ADGRL3: variants seen among roughly 807,000 people sequenced by gnomAD.
The protein encoded by ADGRL3 is calcium-independent alpha-latrotoxin receptor 3.
ADGRL3 carries 62 observed loss-of-function variants against 153.5 expected under a neutral mutation model. The ratio of observed to expected loss-of-function variants is 0.40; its 90% CI spans 0.33 to 0.50. The LOEUF (loss-of-function observed/expected upper bound fraction) is 0.50, where lower values mean the gene tolerates loss of function less well. Ranked by LOEUF, ADGRL3 falls within the 20% of genes least tolerant of loss-of-function variation. The pLI is 0.47. For synonymous variants in ADGRL3, 710 were observed against 672.5 expected, an observed-to-expected ratio of 1.06 and a Z score of -0.86; for missense variants, 1,641 against 1,859.4, an observed-to-expected ratio of 0.88 and a Z score of 2.16.
chr4:61,730,907 TA>T (rs1238179150), intron 7 of ADGRL3, among the ~76,000 whole-genome samples: 1 of 151,950 alleles, frequency 6.6e-6, no homozygotes, highest in African/African-American at 2.4e-5. Context: ...TGGTGATGAA[TA>T]GTGGTTGCTT....
chr4:61,581,396 T>G (rs2098924707), intron 4 of ADGRL3, among the ~76,000 whole-genome samples: 1 of 152,038 alleles, frequency 6.6e-6, no homozygotes, highest in Non-Finnish European at 1.5e-5. Context: ...TTTTCACTAT[T>G]ATAATCAGCA....
At chr4:62,039,071 T>G (rs1160352561) in intron 24 of ADGRL3, among the ~76,000 whole-genome samples, 1 of 152,178 alleles carries the variant, frequency 6.6e-6, no homozygotes, top group African/African-American at 2.4e-5. Flanking sequence ...TAATTATTGT[T>G]TCATAAATTT....
At chr4:61,269,835 G>A (rs372987284) in intron 1 of ADGRL3, among the ~76,000 whole-genome samples, 2 of 151,560 alleles carry the variant, frequency 1.3e-5, no homozygotes, top group Admixed American at 6.6e-5. Context: ...ATTAAAATAC[G>A]TAATTCAGTT....
Position 61,596,166 on chromosome 4 carries a change from A to G in ADGRL3, c.473+8726A>G, listed in dbSNP as rs544030284. 6.6e-5 allele frequency among the ~76,000 whole-genome samples: 10 copies of G among 152,270 alleles called. No individual in the cohort carries two copies. The East Asian group carries it at 1.5e-3, about 24-fold the overall frequency. On this transcript the variant is annotated intron_variant, in intron 5 of 26. Coordinates refer to ENST00000683033, the MANE Select transcript of ADGRL3 (RefSeq NM_001387552.1). ...TTGGTTCTTGTCATGGAGCTTTTCT[A>G]TGTGCAGACAGTTGTTAAAATGTGC...
intron 2 of ADGRL3, among the ~76,000 whole-genome samples, chr4:61,439,069 T>A (rs1170916523): frequency 1.3e-5 from 2 of 152,124 alleles, no homozygotes; most frequent in Non-Finnish European, 2.9e-5. Flanking sequence ...AAAAAAAAGA[T>A]ACTGAGCTAA....
At chr4:62,016,616 A>G (rs1020494651) in intron 21 of ADGRL3, among the ~76,000 whole-genome samples, 8 of 152,170 alleles carry the variant, frequency 5.3e-5, no homozygotes, top group Non-Finnish European at 8.8e-5. Context: ...AATATCTGGT[A>G]GGGCGAATCC....
intron 1 of ADGRL3, among the ~76,000 whole-genome samples, chr4:61,344,953 A>AT (rs765250878): frequency 0.016 from 2,221 of 138,174 alleles, 33 homozygotes; most frequent in African/African-American, 0.046. Context: ...TGCCTGGCTA[A>AT]TTTTTTTTTT....
chr4:61,218,821 T>C (rs1451813800), intron 1 of ADGRL3, among the ~76,000 whole-genome samples: 5 of 152,102 alleles, frequency 3.3e-5, no homozygotes, highest in Admixed American at 6.6e-5. Flanking sequence ...TTGAGAGAAA[T>C]GGTATGAGAT....
intron 11 of ADGRL3, among the ~76,000 whole-genome samples, chr4:61,903,344 G>A (rs186421860): frequency 1.2e-3 from 184 of 151,944 alleles, no homozygotes; most frequent in African/African-American, 4.2e-3. Context: ...CCCATAATAC[G>A]TCATACACTT....
chr4:61,399,048 T>C (rs1335324889), intron 2 of ADGRL3, among the ~76,000 whole-genome samples: 1 of 151,712 alleles, frequency 6.6e-6, no homozygotes, highest in African/African-American at 2.4e-5. Flanking sequence ...GAAATTAAAG[T>C]CCTGAATGGA....
At chr4:61,821,712 C>T (rs1054978639) in intron 9 of ADGRL3, among the ~76,000 whole-genome samples, 1 of 151,884 alleles carries the variant, frequency 6.6e-6, no homozygotes, top group African/African-American at 2.4e-5. Flanking sequence ...CCTTTTTTCC[C>T]TCAAATAAAC....
At chr4:61,428,271 G>A (rs142350340) in intron 2 of ADGRL3, 1,556 of 152,496 alleles carry the variant, frequency 0.01, 11 homozygotes, top group Non-Finnish European at 0.015. Flanking sequence ...GACAATAGTG[G>A]CTCAGAGCCA....
chr4:61,990,659 C>A (rs545334768), intron 19 of ADGRL3, among the ~76,000 whole-genome samples: 2 of 151,876 alleles, frequency 1.3e-5, no homozygotes, highest in Admixed American at 1.3e-4. Flanking sequence ...GACTTGAGAC[C>A]TGTTTCAGTA....
At chr4:61,641,175 C>G (rs1580012264) in intron 5 of ADGRL3, among the ~76,000 whole-genome samples, 1 of 152,024 alleles carries the variant, frequency 6.6e-6, no homozygotes, top group Non-Finnish European at 1.5e-5. Context: ...ACCAACCTCA[C>G]ACGGCTATTT....
chr4:61,234,203 T>C (rs1751898611), intron 1 of ADGRL3, among the ~76,000 whole-genome samples: 1 of 152,030 alleles, frequency 6.6e-6, no homozygotes. Context: ...AGAAGTTTAA[T>C]TGGGCTTACA....
chr4:61,810,011 G>A (rs537064371), intron 8 of ADGRL3, among the ~76,000 whole-genome samples: 3 of 152,172 alleles, frequency 2.0e-5, no homozygotes, highest in South Asian at 4.1e-4. Flanking sequence ...TGGGTTATAT[G>A]ACTAATAAAT....
intron 25 of ADGRL3, among the ~76,000 whole-genome samples, chr4:62,061,699 T>A (rs555927920): frequency 6.6e-6 from 1 of 152,200 alleles, no homozygotes; most frequent in South Asian, 2.1e-4. Flanking sequence ...CACGTATAAA[T>A]GGAATTACAC....
chr4:61,561,522 G>T (rs766509055), intron 4 of ADGRL3, among the ~76,000 whole-genome samples: 1 of 151,860 alleles, frequency 6.6e-6, no homozygotes, highest in Non-Finnish European at 1.5e-5. Flanking sequence ...AGGGGGCTGG[G>T]GAAGAGGAGT....
chr4:61,924,154 A>G (rs556746905), intron 13 of ADGRL3, among the ~76,000 whole-genome samples: 65 of 152,192 alleles, frequency 4.3e-4, no homozygotes, highest in African/African-American at 1.3e-3. Context: ...TAGTCAATGC[A>G]TACCTTACTT....
Sources: allele counts gnomAD v4.1 joint callset (sites outside exome capture counted in the v4.1 genomes callset), GRCh38; gene constraint gnomAD v4.1.1; transcripts MANE v1.5; gene names NCBI Gene and HGNC (gene_info 2026-07-23, HGNC 2026-07-21).